SLC14A2: variants seen among roughly 807,000 people sequenced by gnomAD.
The protein encoded by SLC14A2 is urea transporter 2.
SLC14A2 carries 91 observed loss-of-function variants against 104.6 expected under a neutral mutation model. That is an observed-to-expected ratio of 0.87 (90% CI 0.73 to 1.04). SLC14A2 has a LOEUF of 1.04. Ranked by LOEUF, SLC14A2 falls within the 50% of genes least tolerant of loss-of-function variation. The pLI is 0.00. For missense variants in SLC14A2, 1,189 were observed against 1,156.0 expected, an observed-to-expected ratio of 1.03 and a Z score of -0.41; for synonymous variants, 476 against 466.4, an observed-to-expected ratio of 1.02 and a Z score of -0.27.
Position 45,235,869 on chromosome 18 carries a change from A to ATG in SLC14A2, c.-125+22679_-125+22680insGT, listed in dbSNP as rs1568113657. On this transcript the variant is annotated intron_variant, in intron 1 of 20. Coordinates refer to the SLC14A2 transcript ENST00000586448. ...TATGTATATATACATATATGTGTGT[A>ATG]TATATGTATATATACATATATGTGT... is the stretch of plus-strand genomic sequence containing the variant. Among the ~76,000 whole-genome samples, 15 of 127,324 alleles carry ATG rather than the reference A, an allele frequency of 1.2e-4. 3 individuals carry two copies. Among genetic ancestry groups the ATG allele is most frequent in the African/African-American group, 2.3e-4 (7 of 30,472 alleles). 83.5% of individuals were successfully genotyped at this position (127,324 alleles called of 152,430 possible).
At chr18:45,618,155 G>C (rs918344868) in intron 1 of SLC14A2, among the ~76,000 whole-genome samples, 2 of 152,208 alleles carry the variant, frequency 1.3e-5, no homozygotes, top group Non-Finnish European at 2.9e-5. Context: ...CCCCAGCCAG[G>C]AGAAGCTAGG....
intron 2 of SLC14A2, among the ~76,000 whole-genome samples, chr18:45,543,953 T>G (rs1481413514): frequency 6.6e-6 from 1 of 152,230 alleles, no homozygotes; most frequent in East Asian, 1.9e-4. Context: ...GTAAAAATGC[T>G]GGGCACTGAG....
chr18:45,450,338 G>C (rs568467136), intron 1 of SLC14A2, among the ~76,000 whole-genome samples: 1 of 152,298 alleles, frequency 6.6e-6, no homozygotes, highest in African/African-American at 2.4e-5. Context: ...CTTCTAAAGG[G>C]AAGGGGCCTT....
chr18:45,614,122 C>G (rs1222764279), upstream of SLC14A2, among the ~76,000 whole-genome samples: 1 of 152,232 alleles, frequency 6.6e-6, no homozygotes, highest in African/African-American at 2.4e-5. Context: ...TGCATCCCAG[C>G]CATGGCTAAA....
At chr18:45,423,079 GA>G (rs1393394435) in intron 1 of SLC14A2, among the ~76,000 whole-genome samples, 1 of 152,092 alleles carries the variant, frequency 6.6e-6, no homozygotes, top group Non-Finnish European at 1.5e-5. Flanking sequence ...TTGCCATTGG[GA>G]AAAACAGTAA....
intron 1 of SLC14A2, among the ~76,000 whole-genome samples, chr18:45,443,510 T>G (rs534722733): frequency 6.6e-6 from 1 of 152,150 alleles, no homozygotes; most frequent in South Asian, 2.1e-4. Context: ...TCTTATGACC[T>G]ACAGTCAAAG....
At chr18:45,184,615 T>G in the SLC14A2 span, among the ~76,000 whole-genome samples, 1 of 152,190 alleles carries the variant, frequency 6.6e-6, no homozygotes, top group East Asian at 1.9e-4. Flanking sequence ...ACTGACTTAC[T>G]TAATCCTGCA....
At chr18:45,251,092 TGTG>T (rs953992964) in intron 1 of SLC14A2, among the ~76,000 whole-genome samples, 2 of 152,200 alleles carry the variant, frequency 1.3e-5, no homozygotes, top group Non-Finnish European at 2.9e-5. Context: ...TAAGTTCTTT[TGTG>T]GTGATTTGTG....
rs1027966914 is a variant in SLC14A2, at chr18:45,308,117, G to T, written c.-125+94926G>T. Among the ~76,000 whole-genome samples the T allele has an allele frequency of 4.6e-5, 7 of 152,212 alleles. No individual in the cohort carries two copies. In the East Asian group the frequency reaches 1.4e-3, roughly 29 times the overall value. On this transcript the variant is annotated intron_variant, in intron 1 of 20. Transcript: ENST00000586448. ...GGAGGGCACCAAGCCATTCATGAGG[G>T]ATCTGCCCCCATGACCCAAACACCT...
intron 1 of SLC14A2, among the ~76,000 whole-genome samples, chr18:45,469,508 A>T (rs2087205689): frequency 6.6e-6 from 1 of 152,162 alleles, no homozygotes; most frequent in Non-Finnish European, 1.5e-5. Context: ...AACAACTGGC[A>T]GGCCTTTGTA....
the SLC14A2 span, among the ~76,000 whole-genome samples, chr18:45,192,331 A>G: frequency 6.6e-6 from 1 of 152,244 alleles, no homozygotes. Flanking sequence ...ACATATGTAT[A>G]TATGGTTGTT....
intron 1 of SLC14A2, among the ~76,000 whole-genome samples, chr18:45,417,264 G>C: frequency 6.6e-6 from 1 of 151,992 alleles, no homozygotes; most frequent in East Asian, 1.9e-4. Flanking sequence ...CCCCTTTTTG[G>C]TGATCCTTTC....
chr18:45,218,645 T>C (rs540653322), intron 1 of SLC14A2, among the ~76,000 whole-genome samples: 1 of 152,326 alleles, frequency 6.6e-6, no homozygotes, highest in South Asian at 2.1e-4. Flanking sequence ...GCTTGGACTT[T>C]TAAAAGAAAA....
chr18:45,437,268 C>T (rs1329052469), intron 1 of SLC14A2, among the ~76,000 whole-genome samples: 1 of 152,206 alleles, frequency 6.6e-6, no homozygotes, highest in Non-Finnish European at 1.5e-5. Context: ...GGCACTCCTC[C>T]TGTCTGTACA....
chr18:45,174,052 G>C, the SLC14A2 span, among the ~76,000 whole-genome samples: 2 of 152,164 alleles, frequency 1.3e-5, no homozygotes, highest in South Asian at 2.1e-4. Context: ...CCTCATGTGA[G>C]TGTATGTTAC....
chr18:45,252,393 G>T (rs145331136), intron 1 of SLC14A2, among the ~76,000 whole-genome samples: 1 of 152,172 alleles, frequency 6.6e-6, no homozygotes, highest in South Asian at 2.1e-4. Context: ...TTTAAGAGGG[G>T]TGTCCCTCAG....
chr18:45,573,918 T>C (rs1377075598), intron 2 of SLC14A2, among the ~76,000 whole-genome samples: 2 of 152,192 alleles, frequency 1.3e-5, no homozygotes, highest in Non-Finnish European at 2.9e-5. Flanking sequence ...AGAAATGACA[T>C]ATGATATAGA....
At chr18:45,315,374 C>T (rs1235492550) in intron 1 of SLC14A2, among the ~76,000 whole-genome samples, 2 of 152,086 alleles carry the variant, frequency 1.3e-5, no homozygotes, top group Admixed American at 1.3e-4. Context: ...TTGTTTAGTG[C>T]CTTACCCAGC....
At chr18:45,240,624 G>T (rs2084304095) in intron 1 of SLC14A2, among the ~76,000 whole-genome samples, 1 of 151,026 alleles carries the variant, frequency 6.6e-6, no homozygotes, top group African/African-American at 2.4e-5. Flanking sequence ...CTTGGAGGGA[G>T]AAAGTGTTTT....
Sources: gnomAD v4.1 joint callset for allele counts (sites outside exome capture counted in the v4.1 genomes callset) on GRCh38, gnomAD v4.1.1 for gene constraint, MANE v1.5 for transcripts, NCBI Gene and HGNC (gene_info 2026-07-23, HGNC 2026-07-21) for gene names.